Variants in OTOG observed in about 807,000 individuals in gnomAD.
The protein encoded by OTOG is otogelin.
Under a neutral mutation model 313.8 loss-of-function variants are expected in OTOG, and 296 were observed. The observed-to-expected ratio is 0.94, with a 90% CI of 0.86 to 1.04. The LOEUF (loss-of-function observed/expected upper bound fraction) is 1.04, where lower values mean the gene tolerates loss of function less well. Among genes scored for constraint, OTOG ranks in the 50% least tolerant of loss-of-function variants. The pLI, the probability that OTOG is intolerant of heterozygous loss-of-function variation, is 0.00. For synonymous variants in OTOG, 1,533 were observed against 1,554.9 expected (o/e 0.99, Z 0.33); for missense variants, 3,948 against 3,840.1 (o/e 1.03, Z -0.74).
chr11:17,645,606 T>C lies in OTOG; in HGVS notation c.8504T>C (p.Met2835Thr), dbSNP rs529797215. The change falls in exon 55 of 56, where the codon ATG (methionine) becomes ACG (threonine). Residue 2835 changes from methionine to threonine, a missense_variant. Coordinates refer to ENST00000399397, the MANE Select transcript of OTOG (RefSeq NM_001292063.2). ...TCCTGCAAGAAGGTGACCATCCGCA[T>C]GACCATCCGCAAGAATGAATGCAGG... is the stretch of plus-strand genomic sequence containing the variant. ...GRSCKKVTIR[M>T]TIRKNECRSS... The C allele has an allele frequency of 4.8e-5, 75 of 1,550,646 alleles. No homozygotes were observed. The South Asian group carries it at 8.8e-4, about 18-fold the overall frequency.
chr11:17,629,642 C>T (rs1854068074), intron 40 of OTOG, among the ~76,000 whole-genome samples: 1 of 152,202 alleles, frequency 6.6e-6, no homozygotes, highest in African/African-American at 2.4e-5. Context: ...CAGTCTATCT[C>T]ACTTATTCCT....
intron 39 of OTOG, among the ~76,000 whole-genome samples, chr11:17,622,936 T>C (rs1341194458): frequency 6.6e-6 from 1 of 152,222 alleles, no homozygotes; most frequent in African/African-American, 2.4e-5. Context: ...TTCTCCATAG[T>C]GGAGAACTAA....
At chr11:17,615,799 G>A (rs952194288) in intron 39 of OTOG, among the ~76,000 whole-genome samples, 18 of 151,996 alleles carry the variant, frequency 1.2e-4, no homozygotes, top group African/African-American at 3.9e-4. Flanking sequence ...GTGGTGGCAC[G>A]CACCTATAAT....
chr11:17,638,621 C>T, intron 48 of OTOG, 72 bp downstream of exon 48: 1 of 1,506,078 alleles, frequency 6.6e-7, no homozygotes, highest in East Asian at 2.5e-5. Flanking sequence ...TTGAGGGAGC[C>T]CGGCCTACCA....
At chr11:17,644,226 TTTGCTC>T (rs1222062563) in intron 54 of OTOG, among the ~76,000 whole-genome samples, 3 of 152,246 alleles carry the variant, frequency 2.0e-5, no homozygotes, top group Non-Finnish European at 1.5e-5. Flanking sequence ...CTGCCACTGC[TTTGCTC>T]TTGCTGGTCA....
intron 22 of OTOG, 175 bp from the exon 23 acceptor site, chr11:17,578,198 A>G: frequency 7.3e-7 from 1 of 1,373,408 alleles, no homozygotes; most frequent in South Asian, 1.8e-5. Context: ...GACAGCACAC[A>G]TCTACCCCTC....
In OTOG at chr11:17,587,958, C is replaced by T. The variant is rs138993260; in HGVS notation, c.2867+1377C>T. Among the ~76,000 whole-genome samples the T allele has an allele frequency of 1.8e-3, 277 of 152,296 alleles. 3 individuals carry two copies. The highest frequency in any genetic ancestry group is 6.5e-3 in the African/African-American group (269 of 41,544). Reference sequence around the variant, plus strand: ...CCAGCCCCTGTAGCAGCACCCTCACCCTCAGGCAGGGGATAGCTGAGTTAC... The same window carrying T: ...CCAGCCCCTGTAGCAGCACCCTCACTCTCAGGCAGGGGATAGCTGAGTTAC... On this transcript the variant is annotated intron_variant, in intron 24 of 55. Transcript: ENST00000399397.
chr11:17,556,030 C>A, intron 7 of OTOG, 133 bp downstream of exon 7: 1 of 677,434 alleles, frequency 1.5e-6, no homozygotes, highest in Non-Finnish European at 2.5e-6. Flanking sequence ...ACTATCTGGG[C>A]GGAAGCATAC....
intron 31 of OTOG, among the ~76,000 whole-genome samples, 170 bp from the exon 32 acceptor site, chr11:17,602,040 T>C (rs1423049940): frequency 6.6e-6 from 1 of 152,140 alleles, no homozygotes; most frequent in East Asian, 1.9e-4. Context: ...ATCCTGTCCC[T>C]TCCTTCTCAG....
In OTOG at chr11:17,645,893, G is replaced by A. The variant is rs1246646752; in HGVS notation, c.8691G>A (p.Trp2897Ter). ...TCTTCTGTGCCACCAATGCCACCTG[G>A]GTGCCCTATACAGTGCAGGAGCCCA... Reference protein sequence around the residue: ...VQLFCATNATWVPYTVQEPTD... With the variant: ...VQLFCATNAT Residue 2897 changes from tryptophan (W) to a stop codon, truncating the protein, a stop_gained, in exon 56 of 56, where the codon TGG becomes TGA. Coordinates refer to ENST00000399397, the MANE Select transcript of OTOG (RefSeq NM_001292063.2). LOFTEE classifies it high-confidence loss of function. The A allele has an allele frequency of 2.6e-6, 4 of 1,550,398 alleles. No individual in the cohort carries two copies. The highest frequency in any genetic ancestry group is 2.6e-6 in the Non-Finnish European group (3 of 1,147,014).
In OTOG at chr11:17,558,215, T is replaced by G; in HGVS notation, c.896T>G (p.Val299Gly). Reference sequence around the variant, plus strand: ...CTGACTGACGACGTGGTTGAGTTTGTGCACAGCTGGCAGGAGCAGGCCCCT... The same window carrying G: ...CTGACTGACGACGTGGTTGAGTTTGGGCACAGCTGGCAGGAGCAGGCCCCT... ...GKLTDDVVEF[V>G]HSWQEQAPNQ... The change falls in exon 9 of 56, where the codon GTG becomes GGG. Residue 299 changes from valine (V) to glycine (G), a missense_variant. By Grantham distance (109) the Val-to-Gly change is moderately radical. Coordinates refer to ENST00000399397, the MANE Select transcript of OTOG (RefSeq NM_001292063.2). 1 of 1,550,536 alleles carries G rather than the reference T, an allele frequency of 6.4e-7. No homozygotes were observed. The highest frequency in any genetic ancestry group is 2.0e-5 in the Admixed American group (1 of 51,000).
rs1852440085 is a variant in OTOG, at chr11:17,573,100, C to CA, written c.2104dup (p.Ser702LysfsTer22). ...CAGCCTCCTACTCAGTGCAGGCCTG[C>CA]AGCGTGCTCACGGGGGAGATGTTTG... On this transcript the variant is annotated frameshift_variant, in exon 19 of 56. Transcript: ENST00000399397. LOFTEE classifies it high-confidence loss of function. 1 of 1,548,310 alleles carries CA rather than the reference C, an allele frequency of 6.5e-7. No individual in the cohort carries two copies. The highest frequency in any genetic ancestry group is 2.0e-5 in the Admixed American group (1 of 50,974).
Position 17,547,468 on chromosome 11 carries a change from T to C in OTOG, c.94+2T>C. On this transcript the variant is annotated splice_donor_variant, in intron 1 of 55. Transcript: ENST00000399397. LOFTEE classifies it high-confidence loss of function. ...AGTCCCTGCGGGTGCAGCGCCTCGGTGAGAGGGTTGTGGACTCAGGGAGGT... is the reference window on the plus strand; with the variant it reads ...AGTCCCTGCGGGTGCAGCGCCTCGGCGAGAGGGTTGTGGACTCAGGGAGGT... The C allele has an allele frequency of 7.3e-7, 1 of 1,365,262 alleles. No individual in the cohort carries two copies. The highest frequency in any genetic ancestry group is 1.9e-4 in the Middle Eastern group (1 of 5,220). 84.6% of individuals were successfully genotyped at this position (1,365,262 alleles called of 1,614,324 possible).
At chr11:17,558,103 C>A in intron 8 of OTOG, 82 bp from the exon 9 acceptor site, 1 of 1,485,358 alleles carries the variant, frequency 6.7e-7, no homozygotes, top group Non-Finnish European at 9.1e-7. Context: ...CCCTTGGGAT[C>A]CGCTTTCCCT....
chr11:17,623,100 G>A (rs1447670682), intron 39 of OTOG, among the ~76,000 whole-genome samples: 1 of 152,112 alleles, frequency 6.6e-6, no homozygotes, highest in Non-Finnish European at 1.5e-5. Context: ...ATCCATGTAA[G>A]AACATTTTCA....
intron 18 of OTOG, among the ~76,000 whole-genome samples, chr11:17,572,649 T>G (rs76136816): frequency 1.3e-5 from 2 of 152,224 alleles, no homozygotes; most frequent in African/African-American, 2.4e-5. Flanking sequence ...GACACACACA[T>G]GCCTCAGTTC....
intron 35 of OTOG, among the ~76,000 whole-genome samples, chr11:17,609,419 G>A (rs1190384599): frequency 6.6e-6 from 1 of 152,020 alleles, no homozygotes; most frequent in African/African-American, 2.4e-5. Flanking sequence ...CCCAGAGTGG[G>A]GTCACATGGT....
In OTOG at chr11:17,610,438, C is replaced by A; in HGVS notation, c.5138C>A (p.Ala1713Glu). Residue 1713 changes from alanine to glutamate, a missense_variant, in exon 36 of 56, where the codon GCA (alanine) becomes GAA (glutamate). Coordinates refer to ENST00000399397, the MANE Select transcript of OTOG (RefSeq NM_001292063.2). ...AAEQVPVSPL[A>E]TRSLEIVLST... Reference sequence around the variant, plus strand: ...GAACAGGTTCCTGTCAGTCCCCTTGCAACCAGGAGCTTGGAGATAGTGCTA... The same window carrying A: ...GAACAGGTTCCTGTCAGTCCCCTTGAAACCAGGAGCTTGGAGATAGTGCTA... The A allele has an allele frequency of 2.6e-6, 4 of 1,550,590 alleles. No homozygotes were observed. The South Asian group carries it at 4.8e-5, about 18-fold the overall frequency.
chr11:17,600,198 C>T (rs756166279), intron 31 of OTOG, among the ~76,000 whole-genome samples: 1 of 151,334 alleles, frequency 6.6e-6, no homozygotes, highest in Non-Finnish European at 1.5e-5. Context: ...TTTAGATTAA[C>T]GAGGGTGAAA....
Sources: allele counts gnomAD v4.1 joint callset (sites outside exome capture counted in the v4.1 genomes callset), GRCh38; gene constraint gnomAD v4.1.1; transcripts MANE v1.5; gene names NCBI Gene and HGNC (gene_info 2026-07-23, HGNC 2026-07-21).